The following AFDN variants were observed in gnomAD, a reference collection of about 807,000 sequenced individuals.
AFDN encodes the protein afadin.
In AFDN, 68 loss-of-function variants were observed where a neutral mutation model predicts 216.6. That is an observed-to-expected ratio of 0.31 (90% CI 0.26 to 0.38). The LOEUF is 0.38. AFDN is among the 10% of genes least tolerant of loss of function. The pLI, the probability that AFDN is intolerant of heterozygous loss-of-function variation, is 1.00. For missense variants in AFDN, 2,136 were observed against 2,342.0 expected, an observed-to-expected ratio of 0.91 and a Z score of 1.82; for synonymous variants, 868 against 853.7, an observed-to-expected ratio of 1.02 and a Z score of -0.29.
intron 32 of AFDN, 38 bp from the exon 33 acceptor site, chr6:167,969,076 C>T: frequency 6.9e-7 from 1 of 1,456,930 alleles, no homozygotes; most frequent in Non-Finnish European, 9.6e-7. Flanking sequence ...TAGAAATAAT[C>T]AGGTACTTTA....
rs751100842 is a variant in AFDN at position 167,880,399 on chromosome 6, A to G, written c.779A>G (p.Asn260Ser). The G allele has an allele frequency of 1.2e-6, 2 of 1,613,568 alleles. No homozygotes were observed. The highest frequency in any genetic ancestry group is 1.7e-6 in the Non-Finnish European group (2 of 1,179,726). The change falls in exon 6 of 34, where the codon AAT becomes AGT. Residue 260 changes from asparagine (N) to serine (S), a missense_variant. Transcript: ENST00000683244. ...LRIYADSLKP[N>S]IPYKTILLST... Reference sequence around the variant, plus strand: ...ATTTATGCAGATAGTTTAAAACCAAATATTCCCTACAAGACAATCCTGCTG... The same window carrying G: ...ATTTATGCAGATAGTTTAAAACCAAGTATTCCCTACAAGACAATCCTGCTG...
chr6:167,938,967 T>C (rs1794347726), intron 23 of AFDN, among the ~76,000 whole-genome samples: 2 of 152,200 alleles, frequency 1.3e-5, no homozygotes. Flanking sequence ...CCTGTTTTCA[T>C]TTCTGATATC....
intron 18 of AFDN, 87 bp from the exon 19 acceptor site, chr6:167,915,081 G>A (rs1349549020): frequency 5.8e-6 from 8 of 1,382,116 alleles, no homozygotes; most frequent in Non-Finnish European, 8.0e-6. Flanking sequence ...ACTACCATAG[G>A]TACCATTATC....
At position 167,908,262 on chromosome 6, in the gene AFDN, TC is replaced by T. The variant is rs375122730; in HGVS notation, c.1769+975del. Among the ~76,000 whole-genome samples the T allele has an allele frequency of 1.8e-4, 27 of 152,346 alleles. No homozygotes were observed. In the East Asian group the frequency reaches 3.5e-3, roughly 20 times the overall value. On this transcript the variant is annotated intron_variant, in intron 13 of 33. Coordinates refer to ENST00000683244, the MANE Select transcript of AFDN (RefSeq NM_001386888.1). The stretch of plus-strand genomic sequence containing the variant: ...GACACAGTTCTTCAGTTTCCCAACT[TC>T]CAGCAGAGGGCACTGGATATTGCAG...
intron 32 of AFDN, among the ~76,000 whole-genome samples, chr6:167,967,877 T>C (rs530970762): frequency 6.6e-6 from 1 of 152,292 alleles, no homozygotes; most frequent in African/African-American, 2.4e-5. Context: ...TGGTAAAGCA[T>C]GCTTCTGCAG....
Position 167,962,301 on chromosome 6 carries a change from C to G in AFDN, c.4834-132C>G. ...TTTTATTTTCCAACAGTGATTTTAA[C>G]CTGGTATTTTATATTTAACTTTCTG... On this transcript the variant is annotated intron_variant, in intron 30 of 33. Coordinates refer to ENST00000683244, the MANE Select transcript of AFDN (RefSeq NM_001386888.1). The surrounding 1 kb of genome is among the most constrained non-coding windows in gnomAD (Gnocchi z 5.2). 3 of 1,255,336 alleles carry G rather than the reference C, an allele frequency of 2.4e-6. No homozygotes were observed. The highest frequency in any genetic ancestry group is 3.0e-5 in the African/African-American group (2 of 66,886). 77.8% of individuals were successfully genotyped at this position (1,255,336 alleles called of 1,614,324 possible).
intron 23 of AFDN, among the ~76,000 whole-genome samples, chr6:167,938,517 T>G (rs2273132): frequency 0.42 from 63,756 of 152,034 alleles, 14,205 homozygotes; most frequent in East Asian, 0.8. Context: ...AACTTCAACC[T>G]ATTTAAAGAT....
chr6:167,963,272 TGTAGCC>T, intron 31 of AFDN: 1 of 1,063,732 alleles, frequency 9.4e-7, no homozygotes, highest in South Asian at 4.6e-5. Flanking sequence ...ATGAAGAGGC[TGTAGCC>T]GTTGAGCTCC....
intron 2 of AFDN, among the ~76,000 whole-genome samples, chr6:167,867,500 G>A (rs956725599): frequency 8.0e-5 from 12 of 150,522 alleles, no homozygotes; most frequent in Non-Finnish European, 1.5e-4. Context: ...CATGATCTTG[G>A]CTCACGGCAA....
chr6:167,947,110 A>G (rs1192370158), intron 27 of AFDN, among the ~76,000 whole-genome samples: 2 of 152,244 alleles, frequency 1.3e-5, no homozygotes, highest in Non-Finnish European at 2.9e-5. Flanking sequence ...CCCATAAGCA[A>G]ATACATTAAT....
chr6:167,907,299 A>G lies in AFDN; in HGVS notation c.1769+10A>G. ...GCAGGCAAGAAAGCAGGTAGGAAAC[A>G]CATCATTTTTCAATGGTGAAAGTAC... On this transcript the variant is annotated intron_variant, in intron 13 of 33. Transcript: ENST00000683244. The G allele has an allele frequency of 6.2e-7, 1 of 1,601,280 alleles. No individual in the cohort carries two copies. Among genetic ancestry groups the G allele is most frequent in the Non-Finnish European group, 8.6e-7 (1 of 1,168,460 alleles).
chr6:167,916,146 C>A (rs1366966821), intron 19 of AFDN, among the ~76,000 whole-genome samples: 4 of 152,154 alleles, frequency 2.6e-5, no homozygotes, highest in Non-Finnish European at 1.5e-5. Context: ...GTGGTTTGCA[C>A]GCAGTTGGCA....
chr6:167,963,146 C>A (rs898380697), intron 31 of AFDN: 1 of 1,065,876 alleles, frequency 9.4e-7, no homozygotes, highest in Non-Finnish European at 1.1e-6. Context: ...AATCAAGTAA[C>A]CCTTTTAATT....
intron 5 of AFDN, among the ~76,000 whole-genome samples, chr6:167,879,040 T>G (rs1393079013): frequency 6.6e-6 from 1 of 152,232 alleles, no homozygotes; most frequent in Non-Finnish European, 1.5e-5. Context: ...CTTGTTAGTC[T>G]TCTTCCTCTG....
At position 167,839,677 on chromosome 6, in the gene AFDN, A is replaced by G. The variant is rs147401594; in HGVS notation, c.105+12440A>G. 8.0e-4 allele frequency among the ~76,000 whole-genome samples: 122 copies of G among 152,196 alleles called. 1 individual carries two copies. Among genetic ancestry groups the G allele is most frequent in the African/African-American group, 2.7e-3 (113 of 41,546 alleles). ...TGTGTTCCTTTCTGTCTCCATTTCC[A>G]CGTTCACTCATTGAGTGGTCATCCA... On this transcript the variant is annotated intron_variant, in intron 1 of 33. Transcript: ENST00000683244.
chr6:167,892,302 C>T (rs1787711718), intron 8 of AFDN, among the ~76,000 whole-genome samples: 1 of 152,182 alleles, frequency 6.6e-6, no homozygotes, highest in African/African-American at 2.4e-5. Context: ...AGTTTGGAAA[C>T]ACATCCCAGT....
At chr6:167,835,254 C>T (rs1318002380) in intron 1 of AFDN, among the ~76,000 whole-genome samples, 1 of 152,190 alleles carries the variant, frequency 6.6e-6, no homozygotes, top group Admixed American at 6.5e-5. Flanking sequence ...TTTCAGAGCT[C>T]AAATTTTATT....
intron 12 of AFDN, among the ~76,000 whole-genome samples, chr6:167,903,723 TTC>T (rs1196199599): frequency 6.6e-6 from 1 of 151,798 alleles, no homozygotes; most frequent in African/African-American, 2.4e-5. Flanking sequence ...GCTACACAGC[TTC>T]TTGGGGAAAA....
intron 2 of AFDN, among the ~76,000 whole-genome samples, chr6:167,868,728 G>T (rs1784463526): frequency 6.7e-6 from 1 of 148,220 alleles, no homozygotes; most frequent in Non-Finnish European, 1.5e-5. Flanking sequence ...GTTTGTGCTT[G>T]ATGGAGTTTT....
Sources: gnomAD v4.1 joint callset for allele counts (sites outside exome capture counted in the v4.1 genomes callset) on GRCh38, gnomAD v4.1.1 for gene constraint, Gnocchi (gnomAD v3.1) non-coding constraint, MANE v1.5 for transcripts, NCBI Gene and HGNC (gene_info 2026-07-23, HGNC 2026-07-21) for gene names.